The following PPFIA1 variants were observed in gnomAD, a reference collection of about 807,000 sequenced individuals.
PPFIA1 encodes the protein PPFI scaffold protein A1.
A neutral mutation model predicts 149.9 loss-of-function variants in PPFIA1; 25 were observed. That is an observed-to-expected ratio of 0.17 (90% confidence interval 0.12 to 0.23). PPFIA1 has a LOEUF of 0.23. Ranked by LOEUF, PPFIA1 falls within the 10% of genes least tolerant of loss-of-function variation. The pLI is 1.00. For synonymous variants in PPFIA1, 549 were observed against 552.8 expected, an observed-to-expected ratio of 0.99 and a Z score of 0.10; for missense variants, 1,362 against 1,506.5, an observed-to-expected ratio of 0.90 and a Z score of 1.59.
In PPFIA1 at chr11:70,330,141, C is replaced by CT. The variant is rs2054564648; in HGVS notation, c.931-26dup. The stretch of plus-strand genomic sequence containing the variant: ...TTAATGTGTAATCGTTAATTACCTA[C>CT]TTTTTTGTCCCCTCTGAAATACCTA... On this transcript the variant is annotated intron_variant, in intron 7 of 27. Transcript: ENST00000253925. 4 of 1,540,356 alleles carry CT rather than the reference C, an allele frequency of 2.6e-6. No homozygotes were observed. The African/African-American group carries it at 4.2e-5, about 16-fold the overall frequency.
At chr11:70,379,115 AGCCCGTGTC>A (rs1236725860) in intron 26 of PPFIA1, among the ~76,000 whole-genome samples, 1 of 152,144 alleles carries the variant, frequency 6.6e-6, no homozygotes, top group African/African-American at 2.4e-5. Flanking sequence ...TGAAGTTCTG[AGCCCGTGTC>A]AGTCGGGGCT....
chr11:70,308,265 C>A (rs1244901000), intron 2 of PPFIA1, among the ~76,000 whole-genome samples: 3 of 152,196 alleles, frequency 2.0e-5, no homozygotes, highest in Non-Finnish European at 4.4e-5. Flanking sequence ...TCAGGCTGGT[C>A]TCAAACTCCC....
At chr11:70,271,145 C>T (rs531549763) in intron 1 of PPFIA1, 1 of 152,072 alleles carries the variant, frequency 6.6e-6, no homozygotes, top group Non-Finnish European at 1.5e-5. Context: ...AGCCCCGCGC[C>T]CCGTGACCCG....
intron 9 of PPFIA1, among the ~76,000 whole-genome samples, chr11:70,332,810 C>T (rs1443308205): frequency 6.6e-6 from 1 of 152,200 alleles, no homozygotes; most frequent in African/African-American, 2.4e-5. Flanking sequence ...CCCTGTCTGT[C>T]GTCCTGAGTC....
chr11:70,330,378 C>G (rs1249324945), intron 8 of PPFIA1, 59 bp downstream of exon 8: 2 of 1,396,312 alleles, frequency 1.4e-6, no homozygotes, highest in Non-Finnish European at 9.6e-7. Flanking sequence ...AGTTAAAGAC[C>G]CTTTTTCTCT....
intron 2 of PPFIA1, among the ~76,000 whole-genome samples, chr11:70,306,834 T>C (rs2052886610): frequency 6.6e-6 from 1 of 152,056 alleles, no homozygotes; most frequent in Admixed American, 6.6e-5. Context: ...CTGGAGAAAA[T>C]GAGGAAGTAT....
In PPFIA1 at chr11:70,279,874, C is replaced by T. The variant is rs528717577; in HGVS notation, c.264+7438C>T. On this transcript the variant is annotated intron_variant, in intron 2 of 27. Coordinates refer to ENST00000253925, the MANE Select transcript of PPFIA1 (RefSeq NM_003626.5). ...AAACTGTTGGGACTACAGGCGTGAGCCACCGTGTCCGGCCTGTGTGTGTGT... is the reference window on the plus strand; with the variant it reads ...AAACTGTTGGGACTACAGGCGTGAGTCACCGTGTCCGGCCTGTGTGTGTGT... Among the ~76,000 whole-genome samples, 766 of 115,740 alleles carry T rather than the reference C, an allele frequency of 6.6e-3. 4 individuals are homozygous for T. The highest frequency in any genetic ancestry group is 0.01 in the Non-Finnish European group (601 of 58,956). The allele number at this position is 115,740 out of a possible 152,430, so 75.9% of individuals were successfully genotyped here.
At chr11:70,288,984 T>TTG (rs71046601) in intron 2 of PPFIA1, among the ~76,000 whole-genome samples, 12 of 150,434 alleles carry the variant, frequency 8.0e-5, no homozygotes, top group South Asian at 6.3e-4. Flanking sequence ...TTTTTTTTTT[T>TTG]GGGGACGGAG....
intron 2 of PPFIA1, among the ~76,000 whole-genome samples, chr11:70,297,442 A>G (rs966308836): frequency 6.6e-6 from 1 of 152,134 alleles, no homozygotes; most frequent in African/African-American, 2.4e-5. Flanking sequence ...AAAAAGATGT[A>G]AACAATATGG....
At chr11:70,302,114 G>T (rs560063590) in intron 2 of PPFIA1, among the ~76,000 whole-genome samples, 3 of 152,228 alleles carry the variant, frequency 2.0e-5, no homozygotes, top group Admixed American at 6.5e-5. Flanking sequence ...AAAGGAGCTG[G>T]CCAGGTTGCC....
rs1292454990 is a variant in PPFIA1, at chr11:70,354,350, G to C, written c.2213G>C (p.Cys738Ser). 6.2e-7 allele frequency: 1 copy of C among 1,614,004 alleles called. No individual in the cohort carries two copies. Among genetic ancestry groups the C allele is most frequent in the African/African-American group, 1.3e-5 (1 of 74,920 alleles). ...EVRDDKTTIKCETSPPSSPRA... is the reference protein window; with the variant it reads ...EVRDDKTTIKSETSPPSSPRA... Reference sequence around the variant, plus strand: ...CGAGATGACAAGACAACCATAAAGTGTGAAACCTCCCCGCCTTCCTCCCCG... The same window carrying C: ...CGAGATGACAAGACAACCATAAAGTCTGAAACCTCCCCGCCTTCCTCCCCG... The change falls in exon 17 of 28, where the codon TGT becomes TCT. Residue 738 changes from cysteine (C) to serine (S), a missense_variant. Around this residue, in one of 7 missense-constraint regions of PPFIA1, gnomAD observed 733 missense variants for 744.1 expected, o/e 0.99. Coordinates refer to ENST00000253925, the MANE Select transcript of PPFIA1 (RefSeq NM_003626.5).
chr11:70,275,638 A>G (rs1405880304), intron 2 of PPFIA1, among the ~76,000 whole-genome samples: 3 of 151,994 alleles, frequency 2.0e-5, no homozygotes, highest in Admixed American at 2.0e-4. Flanking sequence ...TATCTAGTTG[A>G]CCTTGCATAA....
At position 70,381,572 on chromosome 11, in the gene PPFIA1, C is replaced by T. The variant is rs2057712717; in HGVS notation, c.3551-516C>T. Among the ~76,000 whole-genome samples the T allele has an allele frequency of 2.0e-5, 3 of 152,214 alleles. No homozygotes were observed. The South Asian group carries it at 6.2e-4, about 31-fold the overall frequency. On this transcript the variant is annotated intron_variant, in intron 26 of 27. Transcript: ENST00000253925. ...GAGAAAAGGGCACCGGCTTCCCAGACACCCAGCTAGTGCTGGGTAGCAAGG... is the reference window on the plus strand; with the variant it reads ...GAGAAAAGGGCACCGGCTTCCCAGATACCCAGCTAGTGCTGGGTAGCAAGG...
At position 70,326,590 on chromosome 11, in the gene PPFIA1, C is replaced by G; in HGVS notation, c.709-7C>G. 3.7e-6 allele frequency: 6 copies of G among 1,602,336 alleles called. No individual in the cohort carries two copies. Among genetic ancestry groups the G allele is most frequent in the Non-Finnish European group, 5.1e-6 (6 of 1,173,638 alleles). ...GGTATTTAAGGATTTTTTTTTCCCC[C>G]TATCAGAGATCTTCTGATGGTTCTT... On this transcript the variant is annotated splice_polypyrimidine_tract_variant and splice_region_variant and intron_variant, in intron 6 of 27. Coordinates refer to ENST00000253925, the MANE Select transcript of PPFIA1 (RefSeq NM_003626.5).
chr11:70,313,147 G>T (rs944914077), intron 2 of PPFIA1, among the ~76,000 whole-genome samples: 1 of 152,176 alleles, frequency 6.6e-6, no homozygotes, highest in East Asian at 1.9e-4. Context: ...GGAGGGAGAC[G>T]CTGGAGTCAG....
intron 2 of PPFIA1, chr11:70,284,149 A>G: frequency 1.6e-5 from 7 of 433,916 alleles, no homozygotes; most frequent in South Asian, 1.3e-4. Context: ...AAGAATTGGA[A>G]TAAGGTAAAA....
chr11:70,372,142 TTCA>T, intron 21 of PPFIA1, 70 bp from the exon 22 acceptor site: 1 of 1,366,146 alleles, frequency 7.3e-7, no homozygotes, highest in Non-Finnish European at 9.9e-7. Flanking sequence ...AGATTAAAAA[TTCA>T]TTTTAAAAAT....
chr11:70,317,470 G>T (rs561932079), intron 2 of PPFIA1, among the ~76,000 whole-genome samples: 1 of 152,274 alleles, frequency 6.6e-6, no homozygotes, highest in African/African-American at 2.4e-5. Flanking sequence ...TTCTACTGTA[G>T]CCACAGCAGT....
chr11:70,332,252 T>C lies in PPFIA1; in HGVS notation c.1212+158T>C, dbSNP rs138104472. Among the ~76,000 whole-genome samples, 130 of 152,306 alleles carry C rather than the reference T, an allele frequency of 8.5e-4. 1 individual carries two copies. The East Asian group carries it at 0.021, about 25-fold the overall frequency. On this transcript the variant is annotated intron_variant, in intron 9 of 27. Coordinates refer to ENST00000253925, the MANE Select transcript of PPFIA1 (RefSeq NM_003626.5). Reference sequence around the variant, plus strand: ...TCTTTCATCTGAGATTGGAACACTTTGTAAATGCCAGACATGATCCTTTTA... The same window carrying C: ...TCTTTCATCTGAGATTGGAACACTTCGTAAATGCCAGACATGATCCTTTTA...
Sources: gnomAD v4.1 joint callset for allele counts (sites outside exome capture counted in the v4.1 genomes callset) on GRCh38, gnomAD v4.1.1 for gene constraint, gnomAD v4.1.1 regional missense constraint, MANE v1.5 for transcripts, NCBI Gene and HGNC (gene_info 2026-07-23, HGNC 2026-07-21) for gene names.